CCSER1: variants seen among roughly 807,000 people sequenced by gnomAD.
CCSER1 encodes serine-rich coiled-coil domain-containing protein 1.
In CCSER1, 41 loss-of-function variants were observed where a neutral mutation model predicts 82.0. That is an observed-to-expected ratio of 0.50 (90% CI 0.39 to 0.65). CCSER1 has a LOEUF of 0.65. Ranked by LOEUF, CCSER1 falls within the 30% of genes least tolerant of loss-of-function variation. The probability of loss-of-function intolerance (pLI) is 0.00; values close to 1 mark genes in which losing one functional copy is unlikely to be tolerated. For synonymous variants in CCSER1, 414 were observed against 383.9 expected (o/e 1.08, Z -0.92); for missense variants, 1,119 against 1,064.2 (o/e 1.05, Z -0.72).
chr4:91,272,026 G>A (rs565723599), intron 10 of CCSER1, among the ~76,000 whole-genome samples: 228 of 152,252 alleles, frequency 1.5e-3, no homozygotes, highest in African/African-American at 5.2e-3. Context: ...CTGGCAGTTG[G>A]GTTGGTTCCA....
At chr4:90,605,750 A>G (rs1350149591) in intron 5 of CCSER1, among the ~76,000 whole-genome samples, 1 of 151,786 alleles carries the variant, frequency 6.6e-6, no homozygotes, top group Non-Finnish European at 1.5e-5. Flanking sequence ...ATTTTTTATA[A>G]TTTTTTTTGA....
chr4:90,143,947 C>T (rs1173441196), intron 1 of CCSER1, among the ~76,000 whole-genome samples: 1 of 152,166 alleles, frequency 6.6e-6, no homozygotes, highest in Non-Finnish European at 1.5e-5. Context: ...ACCTCAGCCT[C>T]CCAAAGTGTT....
At chr4:90,435,387 T>C (rs957316386) in intron 4 of CCSER1, among the ~76,000 whole-genome samples, 7 of 152,160 alleles carry the variant, frequency 4.6e-5, no homozygotes. Context: ...ACAGAAGCCC[T>C]GTTTCTCCTA....
At chr4:91,107,399 C>T (rs751901053) in intron 10 of CCSER1, among the ~76,000 whole-genome samples, 10 of 152,026 alleles carry the variant, frequency 6.6e-5, no homozygotes, top group East Asian at 1.9e-4. Flanking sequence ...GGACTGCAGG[C>T]GCATGCTACC....
intron 5 of CCSER1, among the ~76,000 whole-genome samples, chr4:90,574,067 T>C (rs2148588914): frequency 6.6e-6 from 1 of 151,998 alleles, no homozygotes; most frequent in African/African-American, 2.4e-5. Context: ...CAAAATCTTA[T>C]AGAATTTGAT....
intron 1 of CCSER1, among the ~76,000 whole-genome samples, chr4:90,244,991 C>T (rs1721161967): frequency 6.6e-6 from 1 of 152,092 alleles, no homozygotes; most frequent in Non-Finnish European, 1.5e-5. Context: ...TAAGATGTTT[C>T]TTCACTTACA....
chr4:90,723,419 A>C (rs1743033914), intron 6 of CCSER1, among the ~76,000 whole-genome samples: 1 of 151,952 alleles, frequency 6.6e-6, no homozygotes, highest in Non-Finnish European at 1.5e-5. Flanking sequence ...GAATTTAAAA[A>C]ATTTAATATT....
intron 9 of CCSER1, among the ~76,000 whole-genome samples, chr4:90,925,254 A>T (rs11097279): frequency 0.11 from 16,220 of 152,094 alleles, 1,310 homozygotes; most frequent in East Asian, 0.21. Flanking sequence ...CCAAATTTTT[A>T]AATAAGTTAA....
At chr4:90,698,832 A>G (rs745517871) in intron 6 of CCSER1, among the ~76,000 whole-genome samples, 1 of 152,138 alleles carries the variant, frequency 6.6e-6, no homozygotes, top group African/African-American at 2.4e-5. Context: ...TGATTGGATA[A>G]TTTGACTCAT....
chr4:91,207,495 C>T (rs2149078381), intron 10 of CCSER1, among the ~76,000 whole-genome samples: 1 of 151,938 alleles, frequency 6.6e-6, no homozygotes, highest in African/African-American at 2.4e-5. Context: ...GTTTTCTCTT[C>T]CTGCGTTACT....
At chr4:90,390,951 G>GTT (rs1477724741) in intron 3 of CCSER1, among the ~76,000 whole-genome samples, 1 of 151,810 alleles carries the variant, frequency 6.6e-6, no homozygotes, top group Non-Finnish European at 1.5e-5. Flanking sequence ...AGGATCTCTT[G>GTT]TTTTTTGACT....
intron 5 of CCSER1, among the ~76,000 whole-genome samples, chr4:90,577,821 T>C (rs990330193): frequency 2.6e-5 from 4 of 152,186 alleles, no homozygotes; most frequent in African/African-American, 9.7e-5. Context: ...CAAATAATTT[T>C]TATTTTATTT....
chr4:90,406,605 C>A (rs191141617), intron 4 of CCSER1, among the ~76,000 whole-genome samples: 2 of 152,194 alleles, frequency 1.3e-5, no homozygotes, highest in African/African-American at 4.8e-5. Context: ...ATAAGACAGG[C>A]CACTAAACAA....
intron 10 of CCSER1, among the ~76,000 whole-genome samples, chr4:91,446,264 G>C (rs1275519642): frequency 6.6e-6 from 1 of 152,044 alleles, no homozygotes; most frequent in African/African-American, 2.4e-5. Flanking sequence ...ACATCAAGCA[G>C]TGGCCAAAAG....
chr4:90,643,923 A>C (rs1157662906), intron 6 of CCSER1, among the ~76,000 whole-genome samples: 1 of 152,100 alleles, frequency 6.6e-6, no homozygotes, highest in African/African-American at 2.4e-5. Flanking sequence ...AGTTTTTTTT[A>C]ATTTTAGTAT....
intron 10 of CCSER1, among the ~76,000 whole-genome samples, chr4:91,451,218 A>T (rs1184238930): frequency 6.6e-6 from 1 of 151,962 alleles, no homozygotes; most frequent in Non-Finnish European, 1.5e-5. Context: ...TCAGCTTCCA[A>T]AACATCCCAC....
intron 1 of CCSER1, among the ~76,000 whole-genome samples, chr4:90,154,748 G>GT (rs1355309532): frequency 2.0e-5 from 3 of 147,982 alleles, no homozygotes; most frequent in African/African-American, 7.4e-5. Flanking sequence ...AGACTTTGCT[G>GT]AAGTTGCTTA....
In CCSER1 at chr4:90,784,308, A is replaced by G. The variant is rs144153051; in HGVS notation, c.2011-31454A>G. 1.4e-4 allele frequency among the ~76,000 whole-genome samples: 21 copies of G among 152,348 alleles called. No homozygotes were observed. In the East Asian group the frequency reaches 4.1e-3, roughly 29 times the overall value. ...ATAATGGAAAGTGTTCTCTATATGA[A>G]GACAATTTATAGCACACTGTGATTA... On this transcript the variant is annotated intron_variant, in intron 7 of 10. Transcript: ENST00000509176.
At chr4:91,038,323 A>G (rs1741628702) in intron 9 of CCSER1, among the ~76,000 whole-genome samples, 1 of 152,082 alleles carries the variant, frequency 6.6e-6, no homozygotes, top group Non-Finnish European at 1.5e-5. Context: ...GAAAGATGAC[A>G]CAATGTTTCC....
Sources: allele counts gnomAD v4.1 joint callset (sites outside exome capture counted in the v4.1 genomes callset), GRCh38; gene constraint gnomAD v4.1.1; transcripts MANE v1.5; gene names NCBI Gene and HGNC (gene_info 2026-07-23, HGNC 2026-07-21).